The following DPP10 variants were observed in gnomAD, a reference collection of about 807,000 sequenced individuals.
The protein encoded by DPP10 is inactive dipeptidyl peptidase 10.
A neutral mutation model predicts 120.9 loss-of-function variants in DPP10; 33 were observed. The observed-to-expected ratio is 0.27, with a 90% confidence interval of 0.21 to 0.37. DPP10 has a LOEUF of 0.37. Ranked by LOEUF, DPP10 falls within the 10% of genes least tolerant of loss-of-function variation. The probability of loss-of-function intolerance (pLI) is 1.00; values close to 1 mark genes in which losing one functional copy is unlikely to be tolerated. For synonymous variants in DPP10, 337 were observed against 326.1 expected, an observed-to-expected ratio of 1.03 and a Z score of -0.36; for missense variants, 816 against 942.8, an observed-to-expected ratio of 0.87 and a Z score of 1.76.
intron 4 of DPP10, among the ~76,000 whole-genome samples, chr2:115,523,434 G>A (rs1360524459): frequency 6.9e-6 from 1 of 145,198 alleles, no homozygotes; most frequent in Non-Finnish European, 1.5e-5. Flanking sequence ...CCTCCTGCTA[G>A]TGAGATAATG....
rs553649846 is a variant in DPP10, at chr2:114,502,633, T to A, written c.60+59795T>A. Among the ~76,000 whole-genome samples, 3 of 152,176 alleles carry A rather than the reference T, an allele frequency of 2.0e-5. No homozygotes were observed. In the South Asian group the frequency reaches 6.2e-4, roughly 32 times the overall value. Reference sequence around the variant, plus strand: ...TTTCAGAATTGAAATGCCAAAGGAGTGACCCTCTTTTTCTCATGTGGGTGC... The same window carrying A: ...TTTCAGAATTGAAATGCCAAAGGAGAGACCCTCTTTTTCTCATGTGGGTGC... On this transcript the variant is annotated intron_variant, in intron 1 of 25. Coordinates refer to ENST00000410059, the MANE Select transcript of DPP10 (RefSeq NM_020868.6).
intron 1 of DPP10, among the ~76,000 whole-genome samples, chr2:115,079,372 C>CAAAAAAAAAAAA (rs57960886): frequency 6.8e-6 from 1 of 146,400 alleles, no homozygotes; most frequent in African/African-American, 2.5e-5. Flanking sequence ...TCTCAAAAAA[C>CAAAAAAAAAAAA]AAAAAAAAAG....
At chr2:114,877,142 A>G (rs1691226590) in intron 1 of DPP10, among the ~76,000 whole-genome samples, 1 of 152,068 alleles carries the variant, frequency 6.6e-6, no homozygotes, top group African/African-American at 2.4e-5. Context: ...ATGTATATGT[A>G]TTTTGTTCTT....
intron 1 of DPP10, among the ~76,000 whole-genome samples, chr2:115,254,535 G>C (rs1574180250): frequency 6.6e-6 from 1 of 152,158 alleles, no homozygotes; most frequent in African/African-American, 2.4e-5. Context: ...GTCCCGCAAA[G>C]TCTTAACTCA....
intron 1 of DPP10, among the ~76,000 whole-genome samples, chr2:114,492,270 A>G (rs1343982268): frequency 2.0e-5 from 3 of 152,150 alleles, no homozygotes; most frequent in African/African-American, 4.8e-5. Flanking sequence ...ATATTGTATA[A>G]TTTTATTCCC....
chr2:114,538,259 A>G (rs1249209908), intron 1 of DPP10, among the ~76,000 whole-genome samples: 2 of 152,324 alleles, frequency 1.3e-5, no homozygotes, highest in Non-Finnish European at 2.9e-5. Flanking sequence ...TGCTTGATGA[A>G]CAGAGAAGAA....
intron 1 of DPP10, among the ~76,000 whole-genome samples, chr2:115,175,731 C>T (rs965430287): frequency 2.0e-5 from 3 of 152,160 alleles, no homozygotes; most frequent in Non-Finnish European, 2.9e-5. Context: ...ATGATAACCA[C>T]CAGCTACACA....
chr2:114,778,627 T>A (rs1338173275), intron 1 of DPP10, among the ~76,000 whole-genome samples: 1 of 151,812 alleles, frequency 6.6e-6, no homozygotes, highest in African/African-American at 2.4e-5. Flanking sequence ...GACCGGCAGA[T>A]AAAATAGTAA....
At chr2:114,858,657 G>C (rs1689557800) in intron 1 of DPP10, among the ~76,000 whole-genome samples, 1 of 152,130 alleles carries the variant, frequency 6.6e-6, no homozygotes, top group Non-Finnish European at 1.5e-5. Flanking sequence ...AAAATGATCA[G>C]CTTATTCTGT....
intron 1 of DPP10, among the ~76,000 whole-genome samples, chr2:114,628,525 C>G (rs1694678415): frequency 6.6e-6 from 1 of 152,112 alleles, no homozygotes; most frequent in Non-Finnish European, 1.5e-5. Context: ...AGCAATTCAT[C>G]TAAAATAATT....
At chr2:115,234,874 T>C (rs2057918360) in intron 1 of DPP10, among the ~76,000 whole-genome samples, 1 of 152,134 alleles carries the variant, frequency 6.6e-6, no homozygotes, top group African/African-American at 2.4e-5. Flanking sequence ...ATTCTAAAAG[T>C]TGATCATTGG....
At chr2:114,623,556 T>C (rs1439543681) in intron 1 of DPP10, among the ~76,000 whole-genome samples, 1 of 152,088 alleles carries the variant, frequency 6.6e-6, no homozygotes, top group Non-Finnish European at 1.5e-5. Context: ...CAAGGCAAGT[T>C]AAAATCTTCA....
chr2:115,239,386 T>C (rs962891647), intron 1 of DPP10, among the ~76,000 whole-genome samples: 5 of 152,102 alleles, frequency 3.3e-5, no homozygotes, highest in Non-Finnish European at 7.3e-5. Context: ...TTTTTGAAAT[T>C]TTCATAGCCA....
chr2:114,785,383 C>T (rs966221940), intron 1 of DPP10, among the ~76,000 whole-genome samples: 1 of 152,076 alleles, frequency 6.6e-6, no homozygotes, highest in Non-Finnish European at 1.5e-5. Context: ...GCAGCTCTGC[C>T]TGTGACCAAT....
At chr2:115,508,013 A>G (rs1015063886) in intron 4 of DPP10, among the ~76,000 whole-genome samples, 3 of 152,104 alleles carry the variant, frequency 2.0e-5, no homozygotes, top group Non-Finnish European at 4.4e-5. Context: ...TGAGGTTTTA[A>G]ATGTCATTAA....
At chr2:115,000,330 T>TG (rs974258786) in intron 1 of DPP10, among the ~76,000 whole-genome samples, 2 of 152,080 alleles carry the variant, frequency 1.3e-5, no homozygotes, top group East Asian at 1.9e-4. Context: ...CATAAAAAAT[T>TG]GGGGGGACAT....
intron 1 of DPP10, among the ~76,000 whole-genome samples, chr2:114,660,602 C>T (rs1258674999): frequency 6.6e-6 from 1 of 152,156 alleles, no homozygotes; most frequent in African/African-American, 2.4e-5. Context: ...TAGAAAGTGA[C>T]CTTGCACTGC....
At chr2:115,578,763 T>C (rs1479148967) in intron 5 of DPP10, among the ~76,000 whole-genome samples, 1 of 152,226 alleles carries the variant, frequency 6.6e-6, no homozygotes, top group Non-Finnish European at 1.5e-5. Context: ...CCTAAGGCAC[T>C]GACATACAGA....
intron 1 of DPP10, among the ~76,000 whole-genome samples, chr2:114,458,328 A>G (rs998240952): frequency 6.6e-6 from 1 of 152,174 alleles, no homozygotes. Flanking sequence ...AAAATAGGAA[A>G]TCATCTCAGG....
Sources: gnomAD v4.1 joint callset for allele counts (sites outside exome capture counted in the v4.1 genomes callset) on GRCh38, gnomAD v4.1.1 for gene constraint, MANE v1.5 for transcripts, NCBI Gene and HGNC (gene_info 2026-07-23, HGNC 2026-07-21) for gene names.